CNTNAP2: variants seen among roughly 807,000 people sequenced by gnomAD.
The protein encoded by CNTNAP2 is contactin-associated protein-like 2.
CNTNAP2 carries 98 observed loss-of-function variants against 155.2 expected under a neutral mutation model. That is an observed-to-expected ratio of 0.63 (90% CI 0.54 to 0.75). The LOEUF (loss-of-function observed/expected upper bound fraction) is 0.75. CNTNAP2 is among the 30% of genes least tolerant of loss of function. CNTNAP2 has a pLI of 0.00. For missense variants in CNTNAP2, 1,727 were observed against 1,688.1 expected (o/e 1.02, Z -0.40); for synonymous variants, 651 against 631.2 (o/e 1.03, Z -0.47).
chr7:146,476,633 T>G (rs1050411467), intron 1 of CNTNAP2, among the ~76,000 whole-genome samples: 3 of 152,198 alleles, frequency 2.0e-5, no homozygotes, highest in African/African-American at 7.2e-5. Flanking sequence ...CAGATGAAGA[T>G]TCTACCTAGA....
chr7:146,470,527 G>A (rs917304647), intron 1 of CNTNAP2, among the ~76,000 whole-genome samples: 2 of 151,720 alleles, frequency 1.3e-5, no homozygotes, highest in Non-Finnish European at 2.9e-5. Flanking sequence ...ATTTTTCTTG[G>A]TTGTGTTTCT....
chr7:146,323,758 C>T (rs1420906077), intron 1 of CNTNAP2, among the ~76,000 whole-genome samples: 1 of 152,032 alleles, frequency 6.6e-6, no homozygotes, highest in African/African-American at 2.4e-5. Flanking sequence ...GAAGGAATAG[C>T]TTGTACCTAT....
chr7:146,205,029 A>G (rs1798924998), intron 1 of CNTNAP2, among the ~76,000 whole-genome samples: 1 of 152,074 alleles, frequency 6.6e-6, no homozygotes. Flanking sequence ...CTGGAGACTT[A>G]AGAAATATGA....
At chr7:148,253,003 T>C (rs1796390594) in intron 20 of CNTNAP2, among the ~76,000 whole-genome samples, 1 of 140,892 alleles carries the variant, frequency 7.1e-6, no homozygotes, top group African/African-American at 2.8e-5. Flanking sequence ...CAGAGATAGA[T>C]AGATACATAG....
intron 12 of CNTNAP2, among the ~76,000 whole-genome samples, chr7:147,602,634 C>A (rs983517540): frequency 6.6e-6 from 1 of 150,742 alleles, no homozygotes; most frequent in African/African-American, 2.4e-5. Context: ...TGCTATCCCT[C>A]CCCACTCCCC....
intron 1 of CNTNAP2, among the ~76,000 whole-genome samples, chr7:146,752,688 T>G (rs1041741674): frequency 2.0e-5 from 3 of 152,222 alleles, no homozygotes; most frequent in African/African-American, 7.2e-5. Flanking sequence ...CATAAAGTCT[T>G]TGCCCATGCC....
chr7:147,608,392 G>GT (rs1801113628), intron 12 of CNTNAP2, among the ~76,000 whole-genome samples: 2 of 78,490 alleles, frequency 2.5e-5, no homozygotes. Flanking sequence ...AATTTTCTAA[G>GT]TGTTTTTTTT....
intron 4 of CNTNAP2, among the ~76,000 whole-genome samples, chr7:147,065,512 G>T (rs73467088): frequency 0.056 from 8,529 of 152,100 alleles, 609 homozygotes; most frequent in African/African-American, 0.17. Context: ...ACAACATTAG[G>T]AGTGGCTGTA....
At chr7:146,780,273 C>T (rs1393646191) in intron 2 of CNTNAP2, among the ~76,000 whole-genome samples, 1 of 151,994 alleles carries the variant, frequency 6.6e-6, no homozygotes, top group African/African-American at 2.4e-5. Flanking sequence ...GCAAGCTCTG[C>T]CTCCGAGGTT....
At chr7:148,362,583 A>G (rs933658144) in intron 21 of CNTNAP2, among the ~76,000 whole-genome samples, 1 of 152,204 alleles carries the variant, frequency 6.6e-6, no homozygotes, top group Non-Finnish European at 1.5e-5. Flanking sequence ...GCATAGTGCT[A>G]GCCATCTCCC....
At chr7:147,460,341 T>A (rs1798000739) in intron 10 of CNTNAP2, among the ~76,000 whole-genome samples, 1 of 152,140 alleles carries the variant, frequency 6.6e-6, no homozygotes, top group African/African-American at 2.4e-5. Context: ...TGTTCTGGTA[T>A]CTACTAACAC....
chr7:147,766,736 C>A (rs954923359), intron 13 of CNTNAP2, among the ~76,000 whole-genome samples: 1 of 152,034 alleles, frequency 6.6e-6, no homozygotes, highest in African/African-American at 2.4e-5. Context: ...TTCGAAGGAA[C>A]GGAAAATTTA....
At chr7:147,660,516 T>C (rs1480347577) in intron 13 of CNTNAP2, among the ~76,000 whole-genome samples, 1 of 152,214 alleles carries the variant, frequency 6.6e-6, no homozygotes, top group East Asian at 1.9e-4. Context: ...TTGGATTTGT[T>C]TTCTAACTAA....
At chr7:147,594,431 C>G (rs1256615571) in intron 12 of CNTNAP2, among the ~76,000 whole-genome samples, 6 of 152,124 alleles carry the variant, frequency 3.9e-5, no homozygotes, top group African/African-American at 1.2e-4. Flanking sequence ...CCATATGTAA[C>G]AGTGAGCAAG....
At chr7:147,884,703 C>G (rs894905582) in intron 13 of CNTNAP2, among the ~76,000 whole-genome samples, 2 of 151,964 alleles carry the variant, frequency 1.3e-5, no homozygotes, top group Non-Finnish European at 2.9e-5. Flanking sequence ...TCCCTTTTAC[C>G]CACTTGAAAA....
At chr7:148,144,340 C>T (rs1805134678) in intron 16 of CNTNAP2, among the ~76,000 whole-genome samples, 1 of 152,194 alleles carries the variant, frequency 6.6e-6, no homozygotes, top group South Asian at 2.1e-4. Context: ...ATTGGGGTTT[C>T]CTAAGTCCAG....
chr7:147,803,432 G>A lies in CNTNAP2; in HGVS notation c.2099-100133G>A, dbSNP rs851671. Among the ~76,000 whole-genome samples, 754 of 152,306 alleles carry A rather than the reference G, an allele frequency of 5.0e-3. 7 individuals carry two copies. Among genetic ancestry groups the A allele is most frequent in the African/African-American group, 0.017 (717 of 41,566 alleles). Reference sequence around the variant, plus strand: ...TGCCCGTGGACCTGCTGGTGGCACCGCAGGGAAAAGGTTAGAAACTGCATG... The same window carrying A: ...TGCCCGTGGACCTGCTGGTGGCACCACAGGGAAAAGGTTAGAAACTGCATG... On this transcript the variant is annotated intron_variant, in intron 13 of 23. Coordinates refer to ENST00000361727, the MANE Select transcript of CNTNAP2 (RefSeq NM_014141.6).
chr7:146,964,893 T>A (rs977855597), intron 3 of CNTNAP2, among the ~76,000 whole-genome samples: 1 of 151,806 alleles, frequency 6.6e-6, no homozygotes, highest in African/African-American at 2.4e-5. Flanking sequence ...AACAGGTGAC[T>A]GGCCAGAGTT....
chr7:146,540,784 T>G (rs1466830840), intron 1 of CNTNAP2, among the ~76,000 whole-genome samples: 1 of 152,068 alleles, frequency 6.6e-6, no homozygotes, highest in Non-Finnish European at 1.5e-5. Flanking sequence ...TCTGTTTCTT[T>G]TATTTTTAAC....
Sources: gnomAD v4.1 joint callset for allele counts (sites outside exome capture counted in the v4.1 genomes callset) on GRCh38, gnomAD v4.1.1 for gene constraint, MANE v1.5 for transcripts, NCBI Gene and HGNC (gene_info 2026-07-23, HGNC 2026-07-21) for gene names.